Variants in SLC26A8 observed in about 807,000 individuals in gnomAD.
SLC26A8 encodes solute carrier family 26 member 8, also known as testis anion transporter 1.
A neutral mutation model predicts 105.0 loss-of-function variants in SLC26A8; 70 were observed. That is an observed-to-expected ratio of 0.67 (90% CI 0.55 to 0.81). The LOEUF (loss-of-function observed/expected upper bound fraction) is 0.81. Ranked by LOEUF, SLC26A8 falls within the 40% of genes least tolerant of loss-of-function variation. The probability of loss-of-function intolerance (pLI) is 0.00; values close to 1 mark genes in which losing one functional copy is unlikely to be tolerated. For missense variants in SLC26A8, 998 were observed against 1,181.8 expected, an observed-to-expected ratio of 0.84 and a Z score of 2.28; for synonymous variants, 415 against 438.3, an observed-to-expected ratio of 0.95 and a Z score of 0.66.
intron 3 of SLC26A8, among the ~76,000 whole-genome samples, chr6:36,011,231 A>T (rs1761848301): frequency 6.6e-6 from 1 of 152,204 alleles, no homozygotes; most frequent in South Asian, 2.1e-4. Flanking sequence ...TAATGGTAGA[A>T]CGTCAGCTGT....
At chr6:35,996,394 G>A (rs1370416028) in intron 5 of SLC26A8, among the ~76,000 whole-genome samples, 3 of 152,114 alleles carry the variant, frequency 2.0e-5, no homozygotes, top group African/African-American at 7.2e-5. Context: ...ATTAAAGACA[G>A]AGCCAAAATA....
intron 3 of SLC26A8, among the ~76,000 whole-genome samples, chr6:36,008,928 T>C: frequency 6.6e-6 from 1 of 152,110 alleles, no homozygotes; most frequent in East Asian, 1.9e-4. Flanking sequence ...AGTGGGAAGG[T>C]AATATGTTAA....
intron 10 of SLC26A8, among the ~76,000 whole-genome samples, chr6:35,972,497 T>C (rs1022359155): frequency 2.0e-5 from 3 of 152,066 alleles, no homozygotes; most frequent in African/African-American, 7.2e-5. Flanking sequence ...TCTTTTCTGG[T>C]CCAGATTAGG....
At chr6:35,990,076 TACAGGC>T (rs1258570593) in intron 7 of SLC26A8, among the ~76,000 whole-genome samples, 1 of 151,958 alleles carries the variant, frequency 6.6e-6, no homozygotes, top group African/African-American at 2.4e-5. Flanking sequence ...TAGCTGGGAT[TACAGGC>T]ACATGCCACC....
At chr6:35,991,877 C>T in intron 6 of SLC26A8, 69 bp from the exon 7 acceptor site, 2 of 1,425,054 alleles carry the variant, frequency 1.4e-6, no homozygotes, top group South Asian at 1.5e-5. Flanking sequence ...GAAATTGACA[C>T]TGTAGATTAA....
chr6:35,972,393 GAA>G (rs112299073), intron 10 of SLC26A8, among the ~76,000 whole-genome samples: 1 of 133,796 alleles, frequency 7.5e-6, no homozygotes, highest in African/African-American at 2.7e-5. Flanking sequence ...CCCTGTCTCT[GAA>G]AAAAAAAAAA....
chr6:36,000,396 G>A (rs999059461), intron 3 of SLC26A8, among the ~76,000 whole-genome samples: 3 of 152,054 alleles, frequency 2.0e-5, no homozygotes, highest in African/African-American at 7.2e-5. Context: ...AAATACCATA[G>A]CAATAAGACC....
chr6:35,949,963 G>A (rs1210645243), intron 19 of SLC26A8, among the ~76,000 whole-genome samples: 3 of 151,846 alleles, frequency 2.0e-5, no homozygotes, highest in East Asian at 1.9e-4. Context: ...GTGCCACCAC[G>A]CCCGGCTAAT....
chr6:35,982,179 T>C lies in SLC26A8; in HGVS notation c.967A>G (p.Asn323Asp), dbSNP rs765456205. 1 of 1,614,028 alleles carries C rather than the reference T, an allele frequency of 6.2e-7. No individual in the cohort carries two copies. Among genetic ancestry groups the C allele is most frequent in the Non-Finnish European group, 8.5e-7 (1 of 1,180,024 alleles). Residue 323 changes from asparagine (N) to aspartate (D), a missense_variant, in exon 8 of 20, where the codon AAC (asparagine) becomes GAC (aspartate). Coordinates refer to ENST00000490799, the MANE Select transcript of SLC26A8 (RefSeq NM_052961.4). ...GTTTCTGTGGCCATGCTTATCTTGT[T>C]TGCAATCACAGTGAAGCCAATAATC... ...FLIIGFTVIA[N>D]KISMATETSQ...
At chr6:35,979,615 G>A (rs1773190851) in intron 8 of SLC26A8, among the ~76,000 whole-genome samples, 1 of 152,170 alleles carries the variant, frequency 6.6e-6, no homozygotes. Flanking sequence ...TTTGTAAGAA[G>A]CTAGGTAAGA....
At chr6:35,964,817 T>C (rs1217206419) in intron 11 of SLC26A8, among the ~76,000 whole-genome samples, 1 of 150,372 alleles carries the variant, frequency 6.7e-6, no homozygotes, top group Non-Finnish European at 1.5e-5. Flanking sequence ...AATACAAAAA[T>C]TAGCCAGGCA....
At chr6:36,009,614 T>C (rs1761793883) in intron 3 of SLC26A8, among the ~76,000 whole-genome samples, 1 of 152,230 alleles carries the variant, frequency 6.6e-6, no homozygotes, top group South Asian at 2.1e-4. Context: ...TGCTGTATGA[T>C]TCCCTTTAGA....
chr6:35,991,907 G>A, intron 6 of SLC26A8, 99 bp from the exon 7 acceptor site: 2 of 1,238,202 alleles, frequency 1.6e-6, no homozygotes, highest in South Asian at 1.8e-5. Flanking sequence ...AAGTCCCCAA[G>A]TAGAGTTTCT....
intron 5 of SLC26A8, among the ~76,000 whole-genome samples, chr6:35,996,770 C>T: frequency 6.6e-6 from 1 of 152,114 alleles, no homozygotes; most frequent in Non-Finnish European, 1.5e-5. Context: ...TGCAGTGGCT[C>T]ACACCTATAA....
Position 35,961,150 on chromosome 6 carries a change from G to A in SLC26A8, c.1462-51C>T, listed in dbSNP as rs758267351. ...AATGATCATGAAAACAAGTTCAACT[G>A]AGAAAATGATCAGTCCTGTTTCTCA... On this transcript the variant is annotated intron_variant, in intron 12 of 19. Coordinates refer to ENST00000490799, the MANE Select transcript of SLC26A8 (RefSeq NM_052961.4). 32 of 1,444,426 alleles carry A rather than the reference G, an allele frequency of 2.2e-5. No individual in the cohort carries two copies. In the East Asian group the frequency reaches 6.9e-4, roughly 31 times the overall value. 89.5% of individuals were successfully genotyped at this position (1,444,426 alleles called of 1,614,324 possible).
chr6:35,950,105 G>T (rs1485155913), intron 19 of SLC26A8, among the ~76,000 whole-genome samples: 1 of 152,020 alleles, frequency 6.6e-6, no homozygotes. Context: ...CCGTTGTACG[G>T]TCTTAACTGT....
chr6:35,959,915 T>G (rs1772245427), intron 14 of SLC26A8, 109 bp from the exon 15 acceptor site: 1 of 923,030 alleles, frequency 1.1e-6, no homozygotes, highest in Non-Finnish European at 1.6e-6. Flanking sequence ...TTTTTATTTT[T>G]TTATTTTTTT....
At chr6:36,015,012 G>C (rs978886088) in intron 2 of SLC26A8, among the ~76,000 whole-genome samples, 2 of 152,112 alleles carry the variant, frequency 1.3e-5, no homozygotes, top group Admixed American at 6.5e-5. Context: ...AGGAAACTGA[G>C]GCACAGCAGA....
intron 5 of SLC26A8, among the ~76,000 whole-genome samples, chr6:35,994,836 C>G (rs1431515187): frequency 6.6e-6 from 1 of 152,184 alleles, no homozygotes; most frequent in Non-Finnish European, 1.5e-5. Context: ...TTTGGTCTCC[C>G]AAAGTGCCGG....
Sources: gnomAD v4.1 joint callset for allele counts (sites outside exome capture counted in the v4.1 genomes callset) on GRCh38, gnomAD v4.1.1 for gene constraint, MANE v1.5 for transcripts, NCBI Gene and HGNC (gene_info 2026-07-23, HGNC 2026-07-21) for gene names.